The following KLHL15 variants were observed in gnomAD, a reference collection of about 807,000 sequenced individuals.
KLHL15 encodes the protein kelch-like protein 15.
Under a neutral mutation model 29.3 loss-of-function variants are expected in KLHL15, and 1 was observed. The observed-to-expected ratio is 0.03, with a 90% confidence interval of 0.01 to 0.16. The LOEUF is 0.16. KLHL15 is among the 10% of genes least tolerant of loss of function. The pLI is 1.00. For missense variants in KLHL15, 215 were observed against 478.5 expected, an observed-to-expected ratio of 0.45 and a Z score of 5.14; for synonymous variants, 212 against 184.5, an observed-to-expected ratio of 1.15 and a Z score of -1.21.
chrX:24,015,505 A>G (rs1929657863), intron 2 of KLHL15, among the ~76,000 whole-genome samples: 1 of 112,546 alleles, frequency 8.9e-6, no homozygotes, highest in South Asian at 3.6e-4. Flanking sequence ...GCAGTACTTT[A>G]CACTTTTATG....
At chrX:24,000,563 T>C (rs187602593) in intron 3 of KLHL15, among the ~76,000 whole-genome samples, 4 of 112,657 alleles carry the variant, frequency 3.6e-5, no homozygotes, top group African/African-American at 6.4e-5. Context: ...CTTATATTTC[T>C]CATGTACTTC....
intron 2 of KLHL15, among the ~76,000 whole-genome samples, chrX:24,007,508 A>ATATATATAT (rs1555977010): frequency 1.1e-4 from 4 of 35,909 alleles, no homozygotes; most frequent in African/African-American, 4.4e-4. Context: ...AAAAAAAAAA[A>ATATATATAT]ATATATATAT....
chrX:24,008,639 C>T (rs1929503662), intron 2 of KLHL15, among the ~76,000 whole-genome samples: 1 of 110,561 alleles, frequency 9.0e-6, no homozygotes, highest in South Asian at 3.8e-4. Flanking sequence ...CATCCTTACA[C>T]AGCTCCCGGC....
At chrX:23,995,355 C>A (rs1454137554) in intron 3 of KLHL15, among the ~76,000 whole-genome samples, 1 of 90,052 alleles carries the variant, frequency 1.1e-5, no homozygotes, top group Non-Finnish European at 2.1e-5. Flanking sequence ...TGTGGTGAGC[C>A]AAGATCACGC....
In KLHL15 at chrX:24,015,089, T is replaced by A. The variant is rs1251415184; in HGVS notation, c.-7-8389A>T. On this transcript the variant is annotated intron_variant, in intron 2 of 3. Transcript: ENST00000328046. ...GGGTTCTGAGAGAACCTTACATTCTTAGAATAAATTCTTCCTCTTTACTAC... is the reference window on the plus strand; with the variant it reads ...GGGTTCTGAGAGAACCTTACATTCTAAGAATAAATTCTTCCTCTTTACTAC... 4.5e-5 allele frequency among the ~76,000 whole-genome samples: 5 copies of A among 112,158 alleles called. No homozygotes were observed. The East Asian group carries it at 1.4e-3, about 31-fold the overall frequency.
At chrX:24,005,190 A>C (rs1175862319) in intron 3 of KLHL15, among the ~76,000 whole-genome samples, 1 of 111,984 alleles carries the variant, frequency 8.9e-6, no homozygotes, top group Non-Finnish European at 1.9e-5. Flanking sequence ...GTGCTCTATG[A>C]CCTTTGGGCA....
intron 3 of KLHL15, among the ~76,000 whole-genome samples, chrX:23,993,776 C>G (rs1228680336): frequency 9.1e-6 from 1 of 110,464 alleles, no homozygotes; most frequent in African/African-American, 3.3e-5. Context: ...CACCTGTAAT[C>G]TCAGCACTTT....
rs1164895810 is a variant in KLHL15, at chrX:24,025,073, A to C, written c.-209-15T>G. On this transcript the variant is annotated splice_polypyrimidine_tract_variant and intron_variant, in intron 1 of 3. Transcript: ENST00000328046. ...CTGGATAAGTCCTGGGAAAGAAGAC[A>C]GCGCTGAGTCGAGAAACCAGACAGT... is the stretch of plus-strand genomic sequence containing the variant. 1 of 296,120 alleles carries C rather than the reference A, an allele frequency of 3.4e-6. No homozygotes were observed. The highest frequency in any genetic ancestry group is 5.9e-6 in the Non-Finnish European group (1 of 169,452). 24.4% of individuals were successfully genotyped at this position (296,120 alleles called of 1,213,427 possible).
intron 3 of KLHL15, among the ~76,000 whole-genome samples, 161 bp from the exon 4 acceptor site, chrX:23,989,191 ATCTT>A (rs1449468576): frequency 1.8e-5 from 2 of 108,892 alleles, no homozygotes; most frequent in African/African-American, 6.8e-5. Flanking sequence ...CTTTTAAAAA[ATCTT>A]TTTTTTTTTT....
At chrX:24,012,031 C>A (rs1205558790) in intron 2 of KLHL15, among the ~76,000 whole-genome samples, 1 of 110,257 alleles carries the variant, frequency 9.1e-6, no homozygotes, top group Non-Finnish European at 1.9e-5. Flanking sequence ...TACCTGTAAT[C>A]CCAGCTACTC....
chrX:24,000,489 A>T (rs1344001729), intron 3 of KLHL15, among the ~76,000 whole-genome samples: 1 of 108,512 alleles, frequency 9.2e-6, no homozygotes, highest in Non-Finnish European at 1.9e-5. Context: ...TAAATAATAA[A>T]AAAAGTTTGT....
chrX:23,997,235 C>T (rs1274313224), intron 3 of KLHL15, among the ~76,000 whole-genome samples: 1 of 112,199 alleles, frequency 8.9e-6, no homozygotes, highest in Non-Finnish European at 1.9e-5. Flanking sequence ...CTTACAAAGT[C>T]TAATTTCCTT....
chrX:23,993,505 T>C (rs1350492932), intron 3 of KLHL15, among the ~76,000 whole-genome samples: 2 of 111,371 alleles, frequency 1.8e-5, no homozygotes, highest in Non-Finnish European at 3.8e-5. Flanking sequence ...CAACAAGGTC[T>C]AATCATAAAG....
chrX:23,988,685 T>G lies in KLHL15; in HGVS notation c.1051A>C (p.Arg351=), dbSNP rs779827840. ...CAGGAGTTCTGTCTCGGGTCATACC[T>G]GAATACTTTGGAAGAAGCATGGAAT... The part of the protein sequence containing the change: ...GEFHASSKVF[R]YDPRQNSWLQ... Residue 351 remains arginine, a synonymous_variant, in exon 4 of 4, where the codon AGG becomes CGG. Transcript: ENST00000328046. The G allele has an allele frequency of 3.9e-5, 47 of 1,209,825 alleles. No individual in the cohort carries two copies. The highest frequency in any genetic ancestry group is 5.2e-5 in the Non-Finnish European group (47 of 895,276).
chrX:24,000,524 T>C (rs1465213657), intron 3 of KLHL15, among the ~76,000 whole-genome samples: 47 of 112,147 alleles, frequency 4.2e-4, no homozygotes, highest in Non-Finnish European at 3.8e-5. Flanking sequence ...GCACTGCTTA[T>C]ATTTCTCACA....
In KLHL15 at chrX:23,986,526, G is replaced by A. The variant is rs750917646; in HGVS notation, c.*1395C>T. On this transcript the variant is annotated 3_prime_UTR_variant, in exon 4 of 4. Coordinates refer to ENST00000328046, the MANE Select transcript of KLHL15 (RefSeq NM_030624.3). ...CTTTGTCAACTATGTTTTTTCCTCT[G>A]CATTTAAAGAGTTGAAAGGTGCAGC... The A allele has an allele frequency of 9.0e-6, 1 of 111,672 alleles. No individual in the cohort carries two copies. Among genetic ancestry groups the A allele is most frequent in the Admixed American group, 9.5e-5 (1 of 10,475 alleles). The allele number at this position is 111,672 out of a possible 1,213,427, so 9.2% of individuals were successfully genotyped here.
At chrX:24,012,101 G>A (rs1031010817) in intron 2 of KLHL15, among the ~76,000 whole-genome samples, 1 of 111,868 alleles carries the variant, frequency 8.9e-6, no homozygotes, top group Admixed American at 9.5e-5. Flanking sequence ...GTTGCAGTGA[G>A]CTGAGATCGT....
intron 3 of KLHL15, among the ~76,000 whole-genome samples, chrX:23,997,545 A>C (rs1286545523): frequency 9.3e-6 from 1 of 107,794 alleles, no homozygotes; most frequent in African/African-American, 3.4e-5. Flanking sequence ...AGCCTGGCCA[A>C]CATGGTAAAA....
intron 1 of KLHL15, among the ~76,000 whole-genome samples, 152 bp from the exon 2 acceptor site, chrX:24,025,210 G>T (rs1457678350): frequency 1.8e-5 from 2 of 112,073 alleles, no homozygotes; most frequent in Non-Finnish European, 3.8e-5. Flanking sequence ...GGCCGCGGGC[G>T]GGGAAAAGGG....
Sources: allele counts gnomAD v4.1 joint callset (sites outside exome capture counted in the v4.1 genomes callset), GRCh38; gene constraint gnomAD v4.1.1; transcripts MANE v1.5; gene names NCBI Gene and HGNC (gene_info 2026-07-23, HGNC 2026-07-21).